The following HABP2 variants were observed in gnomAD, a reference collection of about 807,000 sequenced individuals.
HABP2 encodes hyaluronan binding protein 2, also known as factor VII-activating protease.
In HABP2, 65 loss-of-function variants were observed where a neutral mutation model predicts 66.5. That is an observed-to-expected ratio of 0.98 (90% CI 0.80 to 1.20). HABP2 has a LOEUF of 1.20. HABP2 is among the 50% of genes most tolerant of loss of function. The pLI, the probability that HABP2 is intolerant of heterozygous loss-of-function variation, is 0.00. For synonymous variants in HABP2, 263 were observed against 253.9 expected, an observed-to-expected ratio of 1.04 and a Z score of -0.34; for missense variants, 786 against 691.0, an observed-to-expected ratio of 1.14 and a Z score of -1.54.
chr10:113,564,870 G>A (rs1025754856), intron 1 of HABP2, among the ~76,000 whole-genome samples: 1 of 147,274 alleles, frequency 6.8e-6, no homozygotes, highest in Non-Finnish European at 1.5e-5. Flanking sequence ...TTTCTTAGAT[G>A]GAGTCTCGCT....
chr10:113,572,591 T>C (rs990942990), intron 2 of HABP2: 2 of 399,508 alleles, frequency 5.0e-6, no homozygotes, highest in East Asian at 7.8e-5. Flanking sequence ...TTGAAATCTT[T>C]CATGTCAAAC....
rs935629262 is a variant in HABP2, at chr10:113,567,503, T to C, written c.84T>C (p.Ser28=). ...TTGTTTTTCAGTTCTCCCTGATGTC[T>C]TTATTGGAAAGCCTGGACCCAGGTA... ...GKTACGFSLM[S]LLESLDPDWT... is the part of the protein sequence containing the mutation. Residue 28 remains serine, a synonymous_variant, in exon 2 of 13, where the codon TCT becomes TCC. Transcript: ENST00000351270. 1.9e-6 allele frequency: 3 copies of C among 1,612,644 alleles called. No homozygotes were observed. Among genetic ancestry groups the C allele is most frequent in the African/African-American group, 2.7e-5 (2 of 75,018 alleles).
In HABP2 at chr10:113,589,375, A is replaced by G; in HGVS notation, c.*1006A>G. The stretch of plus-strand genomic sequence containing the variant: ...CTTTCTGCGAATGTAACGAGCAAGC[A>G]GTCAGCACAGCCTGGGCTGCCCTGG... On this transcript the variant is annotated 3_prime_UTR_variant, in exon 13 of 13. Transcript: ENST00000351270. 1.8e-6 allele frequency: 1 copy of G among 570,004 alleles called. No individual in the cohort carries two copies. The highest frequency in any genetic ancestry group is 3.1e-6 in the Non-Finnish European group (1 of 322,216). The allele number at this position is 570,004 out of a possible 1,614,324, so 35.3% of individuals were successfully genotyped here.
At chr10:113,565,013 AT>A (rs11575655) in intron 1 of HABP2, among the ~76,000 whole-genome samples, 15 of 151,944 alleles carry the variant, frequency 9.9e-5, no homozygotes, top group African/African-American at 3.6e-4. Context: ...CATCCAGCTA[AT>A]TTTTTGTACT....
Position 113,577,183 on chromosome 10 carries a change from G to T in HABP2, c.365G>T (p.Arg122Leu), listed in dbSNP as rs147689085. 163 of 1,610,734 alleles carry T rather than the reference G, an allele frequency of 1.0e-4. No individual in the cohort carries two copies. Among genetic ancestry groups the T allele is most frequent in the Non-Finnish European group, 1.4e-4 (159 of 1,177,010 alleles). The change falls in exon 5 of 13, where the codon CGG (arginine) becomes CTG (leucine). Residue 122 changes from arginine to leucine, a missense_variant. Coordinates refer to ENST00000351270, the MANE Select transcript of HABP2 (RefSeq NM_004132.5). The part of the protein sequence containing the change: ...QNTCKDNPCG[R>L]GQCLITQSPP... ...ACGTGCAAGGACAACCCATGTGGCC[G>T]GGGCCAATGTCTCATTACCCAGAGT...
At chr10:113,560,168 GC>G (rs1845075011) in intron 1 of HABP2, among the ~76,000 whole-genome samples, 2 of 152,258 alleles carry the variant, frequency 1.3e-5, no homozygotes, top group South Asian at 2.1e-4. Context: ...TGAGAGTTTT[GC>G]CCCCTTCCCC....
At position 113,579,760 on chromosome 10, in the gene HABP2, G is replaced by GT. The variant is rs528778628; in HGVS notation, c.741-823dup. Among the ~76,000 whole-genome samples, 550 of 144,042 alleles carry GT rather than the reference G, an allele frequency of 3.8e-3. 4 individuals are homozygous for GT. Among genetic ancestry groups the GT allele is most frequent in the South Asian group, 0.014 (62 of 4,438 alleles). 94.5% of individuals were successfully genotyped at this position (144,042 alleles called of 152,430 possible). A position where few individuals can be genotyped will look rare whatever the true frequency, so the allele number is the denominator to read the frequency against. The stretch of plus-strand genomic sequence containing the variant: ...GCTTCATAAATGAGGATTTTTTCTT[G>GT]TTTTTTTTTTTTGTTTGTTTGTTTT... On this transcript the variant is annotated intron_variant, in intron 7 of 12. Transcript: ENST00000351270.
chr10:113,583,718 G>C (rs1845583565), intron 10 of HABP2, among the ~76,000 whole-genome samples: 1 of 152,120 alleles, frequency 6.6e-6, no homozygotes, highest in Non-Finnish European at 1.5e-5. Flanking sequence ...CTTCCTATGT[G>C]TCAGGAGACA....
At position 113,584,014 on chromosome 10, in the gene HABP2, A is replaced by G. The variant is rs1018841055; in HGVS notation, c.1238-134A>G. ...TGGAAGTTCAAAATATGAAATGACCACGGAAGAAGATTTTCAGGCATGGTG... is the reference window on the plus strand; with the variant it reads ...TGGAAGTTCAAAATATGAAATGACCGCGGAAGAAGATTTTCAGGCATGGTG... On this transcript the variant is annotated intron_variant, in intron 10 of 12. Coordinates refer to ENST00000351270, the MANE Select transcript of HABP2 (RefSeq NM_004132.5). 73 of 674,438 alleles carry G rather than the reference A, an allele frequency of 1.1e-4. No homozygotes were observed. The East Asian group carries it at 2.0e-3, about 18-fold the overall frequency. The allele number at this position is 674,438 out of a possible 1,614,324, so 41.8% of individuals were successfully genotyped here.
At position 113,581,916 on chromosome 10, in the gene HABP2, C is replaced by A; in HGVS notation, c.879C>A (p.Thr293=). The change falls in exon 9 of 13, where the codon ACC becomes ACA. Residue 293 remains threonine, a synonymous_variant. Transcript: ENST00000351270. Reference sequence around the variant, plus strand: ...AGGAAAGCCCCACTGAGCCATCAACCAAGCTTCCGGGGTTTGACTCCTGTG... The same window carrying A: ...AGGAAAGCCCCACTGAGCCATCAACAAAGCTTCCGGGGTTTGACTCCTGTG... ...YPEESPTEPS[T]KLPGFDSCGK... is the part of the protein sequence containing the mutation. 1 of 1,614,068 alleles carries A rather than the reference C, an allele frequency of 6.2e-7. No individual in the cohort carries two copies.
At chr10:113,580,215 C>T (rs11575685) in intron 7 of HABP2, among the ~76,000 whole-genome samples, 12,068 of 152,070 alleles carry the variant, frequency 0.079, 616 homozygotes, top group East Asian at 0.2. Context: ...GATTCCCATG[C>T]ATAGAATTCA....
rs11575700 is a variant in HABP2 at position 113,558,383 on chromosome 10, G to A, written c.69+5193G>A. On this transcript the variant is annotated intron_variant, in intron 1 of 12. Coordinates refer to ENST00000351270, the MANE Select transcript of HABP2 (RefSeq NM_004132.5). The stretch of plus-strand genomic sequence containing the variant: ...AAATTGTCATTACTACAAAGAAAGC[G>A]AAGTGATGTCATTGAATTCTAGCTG... Among the ~76,000 whole-genome samples, 1,186 of 152,300 alleles carry A rather than the reference G, an allele frequency of 7.8e-3. 17 individuals carry two copies. Among genetic ancestry groups the A allele is most frequent in the African/African-American group, 0.026 (1,079 of 41,556 alleles).
chr10:113,583,725 G>A (rs989751939), intron 10 of HABP2, among the ~76,000 whole-genome samples: 1 of 152,170 alleles, frequency 6.6e-6, no homozygotes, highest in East Asian at 1.9e-4. Flanking sequence ...TGTGTCAGGA[G>A]ACACAATGTG....
At chr10:113,551,428 T>C (rs1844895148), upstream of HABP2, among the ~76,000 whole-genome samples, 1 of 151,910 alleles carries the variant, frequency 6.6e-6, no homozygotes, top group Non-Finnish European at 1.5e-5. Flanking sequence ...TGCTCAGGAG[T>C]GAGCAGGGTT....
Position 113,578,743 on chromosome 10 carries a change from A to T in HABP2, c.685A>T (p.Asn229Tyr). 6.2e-7 allele frequency: 1 copy of T among 1,611,988 alleles called. No homozygotes were observed. Among genetic ancestry groups the T allele is most frequent in the Non-Finnish European group, 8.5e-7 (1 of 1,178,138 alleles). The change falls in exon 7 of 13, where the codon AAC becomes TAC. Residue 229 changes from asparagine to tyrosine, a missense_variant. By Grantham distance (143) the Asn-to-Tyr change is moderately radical. Transcript: ENST00000351270. ...CCACCTCCTCTTGCAGGAGAATTACAACATGTTTATGGAGGATGCTGAAAC... is the reference window on the plus strand; with the variant it reads ...CCACCTCCTCTTGCAGGAGAATTACTACATGTTTATGGAGGATGCTGAAAC... Reference protein sequence around the residue: ...NSHLLLQENYNMFMEDAETHG... With the variant: ...NSHLLLQENYYMFMEDAETHG...
rs11575783 is a variant in HABP2 at position 113,587,036 on chromosome 10, C to T, written c.1518+1098C>T. ...AAGAAAACAGCTCATTCAGGCTGGGCATGCGTGGTGGCTCAAGCCTGTAAT... is the reference window on the plus strand; with the variant it reads ...AAGAAAACAGCTCATTCAGGCTGGGTATGCGTGGTGGCTCAAGCCTGTAAT... On this transcript the variant is annotated intron_variant, in intron 12 of 12. Coordinates refer to ENST00000351270, the MANE Select transcript of HABP2 (RefSeq NM_004132.5). Among the ~76,000 whole-genome samples the T allele has an allele frequency of 9.9e-3, 1,515 of 152,330 alleles. 23 individuals carry two copies. Among genetic ancestry groups the T allele is most frequent in the African/African-American group, 0.034 (1,393 of 41,578 alleles).
intron 11 of HABP2, among the ~76,000 whole-genome samples, chr10:113,585,583 T>G (rs1386062779): frequency 1.3e-5 from 2 of 152,200 alleles, no homozygotes; most frequent in Non-Finnish European, 2.9e-5. Flanking sequence ...ATATACTATC[T>G]GGTCCATGTA....
chr10:113,586,002 A>G, intron 12 of HABP2, 64 bp downstream of exon 12: 5 of 1,445,210 alleles, frequency 3.5e-6, no homozygotes, highest in Non-Finnish European at 3.9e-6. Context: ...TAGGCAGAGG[A>G]CCCTTAGAGC....
chr10:113,585,637 G>A (rs1004586900), intron 11 of HABP2, among the ~76,000 whole-genome samples, 156 bp from the exon 12 acceptor site: 3 of 152,196 alleles, frequency 2.0e-5, no homozygotes, highest in Non-Finnish European at 4.4e-5. Context: ...GCATGGTGAA[G>A]GCTAAAGATG....
Sources: allele counts gnomAD v4.1 joint callset (sites outside exome capture counted in the v4.1 genomes callset), GRCh38; gene constraint gnomAD v4.1.1; transcripts MANE v1.5; gene names NCBI Gene and HGNC (gene_info 2026-07-23, HGNC 2026-07-21).